Variants in BICRA observed in about 807,000 individuals in gnomAD.
The protein encoded by BICRA is BRD4-interacting chromatin-remodeling complex-associated protein.
A neutral mutation model predicts 96.9 loss-of-function variants in BICRA; 31 were observed. The observed-to-expected ratio is 0.32, with a 90% CI of 0.24 to 0.43. The LOEUF is 0.43. Among genes scored for constraint, BICRA ranks in the 20% least tolerant of loss-of-function variants. The probability of loss-of-function intolerance (pLI) is 1.00; values close to 1 mark genes in which losing one functional copy is unlikely to be tolerated. For synonymous variants in BICRA, 1,350 were observed against 1,071.8 expected (o/e 1.26, Z -5.07); for missense variants, 2,283 against 2,190.3 (o/e 1.04, Z -0.84).
intron 6 of BICRA, among the ~76,000 whole-genome samples, chr19:47,681,551 A>T (rs1028686784): frequency 6.6e-6 from 1 of 151,778 alleles, no homozygotes; most frequent in Non-Finnish European, 1.5e-5. Context: ...ACAGACAGAC[A>T]AAGAGAGGGA....
rs1973376696 is a variant in BICRA, at chr19:47,698,171, A to G, written c.3249-463A>G. Among the ~76,000 whole-genome samples, 1 of 152,164 alleles carries G rather than the reference A, an allele frequency of 6.6e-6. No homozygotes were observed. The highest frequency in any genetic ancestry group is 2.1e-4 in the South Asian group (1 of 4,830). On this transcript the variant is annotated intron_variant, in intron 11 of 14. Transcript: ENST00000594866. This position sits in a 1 kb window ranked among gnomAD's most constrained non-coding sequence, Gnocchi z 4.8. ...GGTGGGGGAGACAGTCACACTGCCA[A>G]CAGACAAAACCCATTGTAACATGGG... is the stretch of plus-strand genomic sequence containing the variant.
At position 47,681,159 on chromosome 19, in the gene BICRA, C is replaced by G; in HGVS notation, c.1989C>G (p.Thr663=). ...CCGCCGCCCCGCCTCAGGCCACCAC[C>G]CCCCAGCCCAGCCCTGGCCTGGCGT... The part of the protein sequence containing the change: ...PQAAAPPQAT[T]PQPSPGLASS... The change falls in exon 6 of 15, where the codon ACC becomes ACG. Residue 663 remains threonine (T), a synonymous_variant. Coordinates refer to ENST00000594866, the MANE Select transcript of BICRA (RefSeq NM_001394372.1). 1.3e-6 allele frequency: 2 copies of G among 1,518,574 alleles called. No homozygotes were observed. Among genetic ancestry groups the G allele is most frequent in the Non-Finnish European group, 1.8e-6 (2 of 1,132,018 alleles). The allele number at this position is 1,518,574 out of a possible 1,614,324, so 94.1% of individuals were successfully genotyped here.
At chr19:47,646,917 A>G (rs1462039601) in intron 1 of BICRA, among the ~76,000 whole-genome samples, 10 of 152,174 alleles carry the variant, frequency 6.6e-5, no homozygotes, top group African/African-American at 2.4e-4. Flanking sequence ...CACCTCAAAA[A>G]GAAACTCTGC....
chr19:47,622,061 G>A (rs2123511300), intron 1 of BICRA, among the ~76,000 whole-genome samples: 2 of 151,950 alleles, frequency 1.3e-5, no homozygotes, highest in South Asian at 4.2e-4. Context: ...CTACCTCCCG[G>A]GTTCAAGCAG....
At chr19:47,609,791 G>A (rs893062545) in intron 1 of BICRA, among the ~76,000 whole-genome samples, 3 of 152,216 alleles carry the variant, frequency 2.0e-5, no homozygotes, top group South Asian at 4.1e-4. Flanking sequence ...ACAGTGGGGG[G>A]CCCTGGAAAG....
intron 1 of BICRA, among the ~76,000 whole-genome samples, chr19:47,630,391 C>T (rs1428963008): frequency 6.6e-6 from 1 of 151,380 alleles, no homozygotes; most frequent in African/African-American, 2.4e-5. Context: ...CCAGGATGGT[C>T]TCCATCTCCT....
chr19:47,629,471 G>A (rs1972188543), intron 1 of BICRA, among the ~76,000 whole-genome samples: 1 of 152,104 alleles, frequency 6.6e-6, no homozygotes, highest in African/African-American at 2.4e-5. Context: ...GTATTGTCCT[G>A]AAGGCTTATT....
intron 1 of BICRA, among the ~76,000 whole-genome samples, chr19:47,649,458 C>G (rs771930311): frequency 7.9e-5 from 12 of 152,168 alleles, no homozygotes; most frequent in Admixed American, 1.3e-4. Flanking sequence ...ATGTTACTGT[C>G]TCTGCCTCGA....
Position 47,675,798 on chromosome 19 carries a change from C to A in BICRA, c.85-53C>A. 2.1e-6 allele frequency: 3 copies of A among 1,426,240 alleles called. No homozygotes were observed. The highest frequency in any genetic ancestry group is 2.9e-6 in the Non-Finnish European group (3 of 1,021,210). 88.3% of individuals were successfully genotyped at this position (1,426,240 alleles called of 1,614,324 possible). On this transcript the variant is annotated intron_variant, in intron 4 of 14. Transcript: ENST00000594866. The surrounding 1 kb of genome is among the most constrained non-coding windows in gnomAD (Gnocchi z 4.7). Reference sequence around the variant, plus strand: ...CCCTAAATTGGTTTCTGCTCCAGAGCATGGGCCTGCCCTGCTGACTTTTGA... The same window carrying A: ...CCCTAAATTGGTTTCTGCTCCAGAGAATGGGCCTGCCCTGCTGACTTTTGA...
intron 1 of BICRA, among the ~76,000 whole-genome samples, chr19:47,609,478 C>T (rs1196395169): frequency 2.6e-4 from 8 of 31,314 alleles, no homozygotes; most frequent in Non-Finnish European, 1.1e-3. Context: ...CCTATGGGGA[C>T]CCCCCCCCAA....
chr19:47,681,941 C>T (rs370712298), intron 6 of BICRA, 35 bp from the exon 7 acceptor site: 50 of 1,471,376 alleles, frequency 3.4e-5, no homozygotes, highest in African/African-American at 1.1e-4. Flanking sequence ...CCTGTGGGGG[C>T]GGCTTTCTGA....
chr19:47,612,895 CCTT>C (rs1206807312), intron 1 of BICRA, among the ~76,000 whole-genome samples: 11 of 151,616 alleles, frequency 7.3e-5, no homozygotes, highest in Non-Finnish European at 1.6e-4. Flanking sequence ...ACTGTCCCCT[CCTT>C]TAAGTGCAGT....
chr19:47,652,856 T>C (rs2123550877), intron 1 of BICRA, among the ~76,000 whole-genome samples: 1 of 152,164 alleles, frequency 6.6e-6, no homozygotes, highest in East Asian at 1.9e-4. Context: ...CCTGAAGTTC[T>C]TTAGGCATTG....
chr19:47,679,084 T>C (rs1320251143), intron 5 of BICRA: 6 of 371,950 alleles, frequency 1.6e-5, no homozygotes. Flanking sequence ...TTTTTTAAAA[T>C]TTTTTTCTCA....
intron 1 of BICRA, among the ~76,000 whole-genome samples, 165 bp downstream of exon 1, chr19:47,609,333 C>T (rs1369490496): frequency 6.7e-6 from 1 of 148,298 alleles, no homozygotes; most frequent in Non-Finnish European, 1.5e-5. Context: ...CCGCGACACT[C>T]TCACACTCAG....
At chr19:47,619,348 C>T (rs1431297941) in intron 1 of BICRA, among the ~76,000 whole-genome samples, 2 of 151,732 alleles carry the variant, frequency 1.3e-5, no homozygotes, top group African/African-American at 4.8e-5. Context: ...ACCTCCGCCT[C>T]CCGGGTTCAA....
At chr19:47,640,397 G>A (rs1003254471) in intron 1 of BICRA, among the ~76,000 whole-genome samples, 2 of 152,082 alleles carry the variant, frequency 1.3e-5, no homozygotes, top group East Asian at 1.9e-4. Flanking sequence ...AGGCATGATG[G>A]TGTGTGCCTG....
intron 1 of BICRA, among the ~76,000 whole-genome samples, chr19:47,659,059 G>T (rs892789330): frequency 6.6e-6 from 1 of 152,138 alleles, no homozygotes; most frequent in Non-Finnish European, 1.5e-5. Context: ...GAGATACCTG[G>T]TTTTCTTGGC....
chr19:47,685,799 G>GCACGCGCGCGCGCA (rs1555790129), intron 7 of BICRA, among the ~76,000 whole-genome samples: 39 of 148,848 alleles, frequency 2.6e-4, no homozygotes, highest in Middle Eastern at 3.4e-3. Flanking sequence ...GCGCGCGCGC[G>GCACGCGCGCGCGCA]CATGCGTACA....
Sources: allele counts gnomAD v4.1 joint callset (sites outside exome capture counted in the v4.1 genomes callset), GRCh38; gene constraint gnomAD v4.1.1; non-coding constraint Gnocchi (gnomAD v3.1); transcripts MANE v1.5; gene names NCBI Gene and HGNC (gene_info 2026-07-23, HGNC 2026-07-21).